The following ABR variants were observed in gnomAD, a reference collection of about 807,000 sequenced individuals.
ABR encodes the protein ABR activator of RhoGEF and GTPase, also known as active breakpoint cluster region-related protein.
ABR carries 35 observed loss-of-function variants against 107.2 expected under a neutral mutation model. The ratio of observed to expected loss-of-function variants is 0.33; its 90% confidence interval spans 0.25 to 0.43. The LOEUF (loss-of-function observed/expected upper bound fraction) is 0.43. Among genes scored for constraint, ABR ranks in the 20% least tolerant of loss-of-function variants. ABR has a pLI of 1.00. For synonymous variants in ABR, 498 were observed against 462.0 expected (o/e 1.08, Z -1.00); for missense variants, 815 against 1,115.2 (o/e 0.73, Z 3.83).
chr17:1,074,409 AC>A (rs2035533226), intron 6 of ABR, among the ~76,000 whole-genome samples: 1 of 150,728 alleles, frequency 6.6e-6, no homozygotes, highest in African/African-American at 2.4e-5. Flanking sequence ...CACACGCAGA[AC>A]CCCAGAATCA....
rs781175755 is a variant in ABR at position 1,012,199 on chromosome 17, G to T, written c.1962-214C>A. ...GAAGGGGCATCGACGGACGTGGGCA[G>T]GAGAAGCCTTGGGAACTTGGGAAGG... On this transcript the variant is annotated intron_variant, in intron 18 of 22. Coordinates refer to ENST00000302538, the MANE Select transcript of ABR (RefSeq NM_021962.5). 4 of 757,944 alleles carry T rather than the reference G, an allele frequency of 5.3e-6. No individual in the cohort carries two copies. The East Asian group carries it at 1.1e-4, about 21-fold the overall frequency. 47.0% of individuals were successfully genotyped at this position (757,944 alleles called of 1,614,324 possible).
intron 1 of ABR, among the ~76,000 whole-genome samples, chr17:1,215,900 A>G (rs556054314): frequency 1.0e-5 from 1 of 99,368 alleles, no homozygotes; most frequent in Non-Finnish European, 2.1e-5. Flanking sequence ...TCTCTGAAAC[A>G]TGTGCTGTGT....
chr17:1,052,178 G>A (rs1302577216), intron 14 of ABR, among the ~76,000 whole-genome samples: 3 of 152,126 alleles, frequency 2.0e-5, no homozygotes, highest in African/African-American at 4.8e-5. Flanking sequence ...GTGGGCCTCA[G>A]AACACACAGA....
chr17:1,132,760 A>G (rs2039903252), intron 1 of ABR, among the ~76,000 whole-genome samples: 1 of 152,230 alleles, frequency 6.6e-6, no homozygotes, highest in African/African-American at 2.4e-5. Context: ...GAAAATTTAA[A>G]AGAGAACTAC....
Position 1,112,178 on chromosome 17 carries a change from C to T in ABR, c.247-11443G>A, listed in dbSNP as rs73975635. Among the ~76,000 whole-genome samples, 905 of 152,328 alleles carry T rather than the reference C, an allele frequency of 5.9e-3. 6 individuals carry two copies. The highest frequency in any genetic ancestry group is 0.021 in the African/African-American group (866 of 41,572). ...CTGTCTGTTCATTCATTCATTCATA[C>T]CCAGAAAAGGCCTGGCATGGCACAC... On this transcript the variant is annotated intron_variant, in intron 2 of 22. Coordinates refer to ENST00000302538, the MANE Select transcript of ABR (RefSeq NM_021962.5).
chr17:1,088,630 G>C (rs567025593), intron 4 of ABR, among the ~76,000 whole-genome samples: 3 of 152,054 alleles, frequency 2.0e-5, no homozygotes, highest in East Asian at 3.9e-4. Context: ...TTGTCGCCCA[G>C]GCTGGAGTGG....
At chr17:1,193,274 C>A (rs905920528) in intron 1 of ABR, among the ~76,000 whole-genome samples, 3 of 144,564 alleles carry the variant, frequency 2.1e-5, no homozygotes, top group Non-Finnish European at 3.1e-5. Flanking sequence ...GACACCCCCT[C>A]CCCCTCAATA....
chr17:1,017,379 T>A (rs1221421869), intron 16 of ABR, among the ~76,000 whole-genome samples: 1 of 151,740 alleles, frequency 6.6e-6, no homozygotes, highest in African/African-American at 2.4e-5. Context: ...CCCCCAGCAG[T>A]AGCCACACAG....
At chr17:1,160,660 C>T (rs924573298) in intron 1 of ABR, among the ~76,000 whole-genome samples, 13 of 152,188 alleles carry the variant, frequency 8.5e-5, no homozygotes, top group African/African-American at 2.7e-4. Context: ...GACAGCCAGA[C>T]GCCGAGCGCG....
chr17:1,140,614 A>C (rs1290394806), intron 1 of ABR, among the ~76,000 whole-genome samples: 1 of 152,040 alleles, frequency 6.6e-6, no homozygotes, highest in African/African-American at 2.4e-5. Flanking sequence ...ACGAAGTCTC[A>C]ATCTGTCACC....
At chr17:1,126,469 C>G (rs749217592) in intron 1 of ABR, 5 of 152,348 alleles carry the variant, frequency 3.3e-5, no homozygotes, top group African/African-American at 4.8e-5. Context: ...AGCTTCAGCA[C>G]TCGTGCGGGC....
chr17:1,012,142 C>G, intron 18 of ABR, 157 bp from the exon 19 acceptor site: 1 of 1,211,080 alleles, frequency 8.3e-7, no homozygotes, highest in South Asian at 1.3e-5. Context: ...GGCCACCGCA[C>G]CCCACCCCAG....
chr17:1,223,741 A>C (rs565078361), intron 1 of ABR, among the ~76,000 whole-genome samples: 77 of 152,276 alleles, frequency 5.1e-4, no homozygotes, highest in African/African-American at 1.8e-3. Context: ...GCAAAGGAAA[A>C]GCAACCACCT....
At chr17:1,028,160 G>T (rs555635317) in intron 16 of ABR, among the ~76,000 whole-genome samples, 7 of 151,968 alleles carry the variant, frequency 4.6e-5, no homozygotes, top group Non-Finnish European at 8.8e-5. Context: ...GCATGATCTC[G>T]GCTCACTGCA....
Position 1,078,733 on chromosome 17 carries a change from C to G in ABR, c.700+597G>C. The G allele has an allele frequency of 1.4e-6, 2 of 1,440,618 alleles. No individual in the cohort carries two copies. Among genetic ancestry groups the G allele is most frequent in the Non-Finnish European group, 1.9e-6 (2 of 1,065,712 alleles). The allele number at this position is 1,440,618 out of a possible 1,614,324, so 89.2% of individuals were successfully genotyped here. Reference sequence around the variant, plus strand: ...TCCTTCCCTGCGGCCCTCTAACCTCCCCGGCCACATCTAAGCCCACTCCAG... The same window carrying G: ...TCCTTCCCTGCGGCCCTCTAACCTCGCCGGCCACATCTAAGCCCACTCCAG... On this transcript the variant is annotated intron_variant, in intron 6 of 22. Coordinates refer to ENST00000302538, the MANE Select transcript of ABR (RefSeq NM_021962.5). This position sits in a 1 kb window ranked among gnomAD's most constrained non-coding sequence, Gnocchi z 7.5.
chr17:1,063,850 T>C (rs1487142708), intron 10 of ABR, among the ~76,000 whole-genome samples: 2 of 142,832 alleles, frequency 1.4e-5, no homozygotes, highest in African/African-American at 5.4e-5. Context: ...CATGTTCCTC[T>C]AGCACTGCTG....
chr17:1,122,780 C>T (rs373498846), intron 2 of ABR, among the ~76,000 whole-genome samples: 33 of 152,320 alleles, frequency 2.2e-4, no homozygotes, highest in African/African-American at 6.7e-4. Flanking sequence ...ATAACGCACA[C>T]ACCCTGTTGG....
intron 10 of ABR, 142 bp from the exon 11 acceptor site, chr17:1,059,009 G>C: frequency 1.6e-6 from 2 of 1,273,396 alleles, no homozygotes; most frequent in Non-Finnish European, 2.2e-6. Flanking sequence ...TGTGGCAGGA[G>C]AGGCGGGTAG....
intron 1 of ABR, among the ~76,000 whole-genome samples, chr17:1,162,967 G>A (rs1028416565): frequency 2.0e-5 from 3 of 152,208 alleles, no homozygotes; most frequent in Admixed American, 2.0e-4. Context: ...AGCTACTCAG[G>A]AGGCTGAGGC....
Sources: allele counts gnomAD v4.1 joint callset (sites outside exome capture counted in the v4.1 genomes callset), GRCh38; gene constraint gnomAD v4.1.1; non-coding constraint Gnocchi (gnomAD v3.1); transcripts MANE v1.5; gene names NCBI Gene and HGNC (gene_info 2026-07-23, HGNC 2026-07-21).